The following CCDC7 variants were observed in gnomAD, a reference collection of about 807,000 sequenced individuals.
CCDC7 encodes the protein coiled-coil domain containing 7, also known as coiled-coil domain-containing protein 7.
In CCDC7, 183 loss-of-function variants were observed where a neutral mutation model predicts 196.9. That is an observed-to-expected ratio of 0.93 (90% CI 0.82 to 1.05). The LOEUF (loss-of-function observed/expected upper bound fraction) is 1.05. Among genes scored for constraint, CCDC7 ranks in the 50% least tolerant of loss-of-function variants. The pLI is 0.00. For synonymous variants in CCDC7, 525 were observed against 484.6 expected, an observed-to-expected ratio of 1.08 and a Z score of -1.10; for missense variants, 1,540 against 1,482.2, an observed-to-expected ratio of 1.04 and a Z score of -0.64.
chr10:32,456,371 C>G (rs1199478168), intron 3 of CCDC7, 37 bp downstream of exon 4: 2 of 1,410,390 alleles, frequency 1.4e-6, no homozygotes, highest in Non-Finnish European at 1.9e-6. Context: ...TATAAAATAT[C>G]AAACTTGTAC....
intron 5 of CCDC7, among the ~76,000 whole-genome samples, chr10:32,469,927 G>A (rs80180581): frequency 6.6e-6 from 1 of 152,070 alleles, no homozygotes; most frequent in African/African-American, 2.4e-5. Context: ...AGACAATGAA[G>A]AATAGATTTT....
At chr10:32,656,774 A>G (rs1472004329) in intron 20 of CCDC7, among the ~76,000 whole-genome samples, 1 of 152,180 alleles carries the variant, frequency 6.6e-6, no homozygotes, top group East Asian at 1.9e-4. Flanking sequence ...TGCCCTTCCA[A>G]CAGTCCCCCA....
chr10:32,760,368 G>A (rs1170806466), intron 28 of CCDC7, among the ~76,000 whole-genome samples: 1 of 151,856 alleles, frequency 6.6e-6, no homozygotes, highest in African/African-American at 2.4e-5. Flanking sequence ...ATGATAGACT[G>A]GATTAAGAAA....
At chr10:32,766,989 G>A (rs556161842) in intron 28 of CCDC7, among the ~76,000 whole-genome samples, 1 of 152,142 alleles carries the variant, frequency 6.6e-6, no homozygotes, top group South Asian at 2.1e-4. Context: ...CTGTAAGGGG[G>A]ATGAATAGTG....
chr10:32,578,968 C>T (rs1002742936), intron 16 of CCDC7, among the ~76,000 whole-genome samples: 2 of 152,092 alleles, frequency 1.3e-5, no homozygotes, highest in Non-Finnish European at 2.9e-5. Context: ...GATATAATAT[C>T]TGGAGATTCT....
intron 23 of CCDC7, among the ~76,000 whole-genome samples, chr10:32,694,265 G>A (rs1220677319): frequency 1.3e-5 from 2 of 152,090 alleles, no homozygotes; most frequent in African/African-American, 2.4e-5. Flanking sequence ...TTAAATCTGT[G>A]TATAGCTCAC....
chr10:32,798,080 T>C (rs903420596), intron 29 of CCDC7, among the ~76,000 whole-genome samples: 2 of 152,178 alleles, frequency 1.3e-5, no homozygotes, highest in Non-Finnish European at 1.5e-5. Flanking sequence ...AAGCATTCCA[T>C]GAGTCCATGG....
chr10:32,558,308 G>T (rs567803422), intron 13 of CCDC7, among the ~76,000 whole-genome samples: 2 of 151,734 alleles, frequency 1.3e-5, no homozygotes, highest in African/African-American at 4.8e-5. Context: ...AACACTATTC[G>T]ATTTAAAATG....
chr10:32,719,235 A>T (rs112225761), intron 25 of CCDC7, among the ~76,000 whole-genome samples: 8,085 of 152,140 alleles, frequency 0.053, 717 homozygotes, highest in African/African-American at 0.18. Flanking sequence ...TGTAGAACCA[A>T]CTGATCTTTG....
chr10:32,754,196 A>G (rs1391767671), intron 28 of CCDC7, among the ~76,000 whole-genome samples: 1 of 152,196 alleles, frequency 6.6e-6, no homozygotes, highest in Non-Finnish European at 1.5e-5. Context: ...AAAAGAATCA[A>G]ATAAAAGAAA....
chr10:32,716,771 T>TAAAC (rs1193909834), intron 25 of CCDC7, among the ~76,000 whole-genome samples: 1 of 152,104 alleles, frequency 6.6e-6, no homozygotes, highest in South Asian at 2.1e-4. Flanking sequence ...AAACAGATTT[T>TAAAC]AAACAAACAA....
intron 21 of CCDC7, among the ~76,000 whole-genome samples, chr10:32,681,801 C>G (rs1326678384): frequency 7.0e-6 from 1 of 142,148 alleles, no homozygotes; most frequent in Admixed American, 6.9e-5. Context: ...ATACACACAT[C>G]TGCATACATA....
intron 28 of CCDC7, among the ~76,000 whole-genome samples, chr10:32,753,291 A>G (rs898544888): frequency 1.1e-4 from 17 of 152,168 alleles, no homozygotes; most frequent in Admixed American, 6.5e-4. Context: ...TATTCAGAAG[A>G]ATAAGTTTGG....
At chr10:32,550,063 T>A (rs1198074881) in intron 13 of CCDC7, among the ~76,000 whole-genome samples, 2 of 152,180 alleles carry the variant, frequency 1.3e-5, no homozygotes, top group Non-Finnish European at 2.9e-5. Context: ...TGTGTTTCCA[T>A]ATGTTTGTGT....
At chr10:32,861,664 C>T (rs2093989623) in intron 41 of CCDC7, among the ~76,000 whole-genome samples, 1 of 152,122 alleles carries the variant, frequency 6.6e-6, no homozygotes, top group African/African-American at 2.4e-5. Flanking sequence ...TTTTTGCAAT[C>T]TATCCATCTG....
At chr10:32,562,762 C>T (rs2055977359) in intron 13 of CCDC7, among the ~76,000 whole-genome samples, 1 of 151,950 alleles carries the variant, frequency 6.6e-6, no homozygotes, top group African/African-American at 2.4e-5. Flanking sequence ...CCTCTCTCAC[C>T]ACTCCTATTC....
intron 41 of CCDC7, among the ~76,000 whole-genome samples, chr10:32,874,059 C>A (rs1432837216): frequency 1.3e-5 from 2 of 151,270 alleles, no homozygotes; most frequent in South Asian, 2.1e-4. Context: ...CAAAAAGTAA[C>A]TAGTCTCAAG....
rs1160790886 is a variant in CCDC7, at chr10:32,664,352, TA to T, written c.2122+192del. 3.9e-5 allele frequency among the ~76,000 whole-genome samples: 6 copies of T among 152,196 alleles called. No individual in the cohort carries two copies. In the South Asian group the frequency reaches 6.2e-4, roughly 16 times the overall value. On this transcript the variant is annotated intron_variant, in intron 21 of 41. Transcript: ENST00000639629. ...CTATTTAACATGTATATTACCTTGT[TA>T]TTTTTTTATATTGAGAAGACTTAAA... is the stretch of plus-strand genomic sequence containing the variant.
At chr10:32,592,058 A>G (rs1353696917) in intron 18 of CCDC7, among the ~76,000 whole-genome samples, 6 of 152,168 alleles carry the variant, frequency 3.9e-5, no homozygotes, top group Non-Finnish European at 7.4e-5. Flanking sequence ...TCTATAGTTC[A>G]GATTTTCTAT....
Sources: allele counts gnomAD v4.1 joint callset (sites outside exome capture counted in the v4.1 genomes callset), GRCh38; gene constraint gnomAD v4.1.1; transcripts MANE v1.5; gene names NCBI Gene and HGNC (gene_info 2026-07-23, HGNC 2026-07-21).